The following KCNIP4 variants were observed in gnomAD, a reference collection of about 807,000 sequenced individuals.
KCNIP4 encodes Kv channel-interacting protein 4.
Under a neutral mutation model 34.0 loss-of-function variants are expected in KCNIP4, and 12 were observed. That is an observed-to-expected ratio of 0.35 (90% CI 0.23 to 0.57). KCNIP4 has a LOEUF of 0.57. Ranked by LOEUF, KCNIP4 falls within the 20% of genes least tolerant of loss-of-function variation. The pLI, the probability that KCNIP4 is intolerant of heterozygous loss-of-function variation, is 0.83. For synonymous variants in KCNIP4, 124 were observed against 102.2 expected, an observed-to-expected ratio of 1.21 and a Z score of -1.29; for missense variants, 238 against 311.7, an observed-to-expected ratio of 0.76 and a Z score of 1.78.
chr4:21,421,218 C>T (rs533250149), intron 1 of KCNIP4, among the ~76,000 whole-genome samples: 1 of 152,192 alleles, frequency 6.6e-6, no homozygotes, highest in African/African-American at 2.4e-5. Flanking sequence ...TATGAAGAAT[C>T]CTCAAAAAGT....
intron 1 of KCNIP4, among the ~76,000 whole-genome samples, chr4:21,002,777 C>T (rs75940360): frequency 0.017 from 2,625 of 152,164 alleles, 85 homozygotes; most frequent in African/African-American, 0.059. Flanking sequence ...TCCACCTGAA[C>T]GCAGAACAAT....
At chr4:20,904,929 G>A (rs954111515) in intron 1 of KCNIP4, among the ~76,000 whole-genome samples, 17 of 152,160 alleles carry the variant, frequency 1.1e-4, no homozygotes, top group Admixed American at 3.3e-4. Context: ...TGAGGCATGG[G>A]AGTAGGAATA....
rs71191533 is a variant in KCNIP4, at chr4:21,683,446, ATTTTT to A, written c.61+265120_61+265124del. Among the ~76,000 whole-genome samples, 174 of 46,568 alleles carry A rather than the reference ATTTTT, an allele frequency of 3.7e-3. 8 individuals carry two copies. Among genetic ancestry groups the A allele is most frequent in the African/African-American group, 9.1e-3 (126 of 13,898 alleles). The allele number at this position is 46,568 out of a possible 152,430, so 30.6% of individuals were successfully genotyped here. A position where few individuals can be genotyped will look rare whatever the true frequency, so the allele number is the denominator to read the frequency against. On this transcript the variant is annotated intron_variant, in intron 1 of 8. Transcript: ENST00000382152. ...TACGACTAATGATTGGTGAAGCCAG[ATTTTT>A]TTTTTTTTTTTTTTTTTTTTTTTTT...
intron 1 of KCNIP4, among the ~76,000 whole-genome samples, chr4:20,939,836 T>C (rs1731457178): frequency 2.0e-5 from 3 of 152,228 alleles, no homozygotes; most frequent in African/African-American, 7.2e-5. Flanking sequence ...CTTTAAAATA[T>C]GTATAGAATC....
At chr4:21,131,353 A>T (rs934473004) in intron 1 of KCNIP4, among the ~76,000 whole-genome samples, 1 of 152,196 alleles carries the variant, frequency 6.6e-6, no homozygotes, top group Non-Finnish European at 1.5e-5. Flanking sequence ...CCAAAAAAGC[A>T]ATCTCTTCTT....
intron 3 of KCNIP4, among the ~76,000 whole-genome samples, chr4:20,841,367 G>C (rs1255078549): frequency 6.6e-6 from 1 of 152,096 alleles, no homozygotes; most frequent in Non-Finnish European, 1.5e-5. Context: ...TAAAGAATAG[G>C]GGAGGAGTCC....
At chr4:20,976,883 G>C (rs1242370756) in intron 1 of KCNIP4, among the ~76,000 whole-genome samples, 2 of 152,152 alleles carry the variant, frequency 1.3e-5, no homozygotes, top group South Asian at 2.1e-4. Context: ...GCCCAGGCTG[G>C]AGTGCAGTGG....
chr4:21,144,318 G>A (rs1560761084), intron 1 of KCNIP4, among the ~76,000 whole-genome samples: 1 of 152,188 alleles, frequency 6.6e-6, no homozygotes, highest in East Asian at 1.9e-4. Flanking sequence ...TTTTATATCT[G>A]TATAAGAGTC....
At chr4:20,874,529 G>T (rs899882321) in intron 2 of KCNIP4, among the ~76,000 whole-genome samples, 8 of 152,044 alleles carry the variant, frequency 5.3e-5, no homozygotes, top group Admixed American at 5.2e-4. Context: ...GAAAACAGGT[G>T]TCCTGACACT....
chr4:21,654,719 C>T (rs1052629722), intron 1 of KCNIP4, among the ~76,000 whole-genome samples: 1 of 151,948 alleles, frequency 6.6e-6, no homozygotes, highest in African/African-American at 2.4e-5. Context: ...GTCAGGAGAT[C>T]GAGACCATCC....
At chr4:21,338,154 A>C (rs1716363028) in intron 1 of KCNIP4, among the ~76,000 whole-genome samples, 1 of 151,020 alleles carries the variant, frequency 6.6e-6, no homozygotes, top group Non-Finnish European at 1.5e-5. Flanking sequence ...TGTATTTTTA[A>C]CTCGGGAGGC....
intron 1 of KCNIP4, among the ~76,000 whole-genome samples, chr4:21,878,096 G>A (rs918171966): frequency 2.2e-4 from 33 of 152,240 alleles, no homozygotes; most frequent in African/African-American, 7.9e-4. Flanking sequence ...TGCCCAGGCT[G>A]GAGTGCAGTG....
At chr4:21,482,568 T>G (rs60033856) in intron 1 of KCNIP4, among the ~76,000 whole-genome samples, 2 of 151,962 alleles carry the variant, frequency 1.3e-5, no homozygotes, top group Non-Finnish European at 2.9e-5. Context: ...CCTTCACTTA[T>G]GAAGTTTAGT....
rs556935461 is a variant in KCNIP4 at position 21,873,434 on chromosome 4, T to C, written c.61+75137A>G. On this transcript the variant is annotated intron_variant, in intron 1 of 8. Transcript: ENST00000382152. ...CTGAAAATCTACCTCAAAAGAACAA[T>C]GCAAAAACAGTATTATCAGTCCATC... is the stretch of plus-strand genomic sequence containing the variant. Among the ~76,000 whole-genome samples the C allele has an allele frequency of 9.2e-5, 14 of 152,224 alleles. No individual in the cohort carries two copies. In the East Asian group the frequency reaches 2.7e-3, roughly 29 times the overall value.
intron 3 of KCNIP4, among the ~76,000 whole-genome samples, chr4:20,846,667 C>A (rs79385593): frequency 0.011 from 1,618 of 152,164 alleles, 30 homozygotes; most frequent in African/African-American, 0.037. Context: ...CACACATACG[C>A]GCACACACAA....
At chr4:20,873,318 C>G (rs914322959) in intron 2 of KCNIP4, among the ~76,000 whole-genome samples, 1 of 152,120 alleles carries the variant, frequency 6.6e-6, no homozygotes, top group Admixed American at 6.5e-5. Context: ...ATTGTACCTT[C>G]CTCACAGACT....
intron 1 of KCNIP4, among the ~76,000 whole-genome samples, chr4:21,266,221 A>G (rs529283745): frequency 2.6e-5 from 4 of 152,316 alleles, no homozygotes; most frequent in Non-Finnish European, 5.9e-5. Context: ...ATTCTTTTTA[A>G]GGAAATAAAA....
chr4:21,486,648 G>A (rs554054556), intron 1 of KCNIP4, among the ~76,000 whole-genome samples: 4 of 152,038 alleles, frequency 2.6e-5, no homozygotes, highest in Admixed American at 6.5e-5. Context: ...TCAACTATGC[G>A]ATTTCTTTAT....
chr4:21,059,742 C>T (rs1161766907), intron 1 of KCNIP4, among the ~76,000 whole-genome samples: 1 of 152,006 alleles, frequency 6.6e-6, no homozygotes, highest in Non-Finnish European at 1.5e-5. Flanking sequence ...AGATGTTTAA[C>T]CTAGAAAAAT....
Sources: gnomAD v4.1 joint callset for allele counts (sites outside exome capture counted in the v4.1 genomes callset) on GRCh38, gnomAD v4.1.1 for gene constraint, MANE v1.5 for transcripts, NCBI Gene and HGNC (gene_info 2026-07-23, HGNC 2026-07-21) for gene names.